Variants in DCDC2 observed in about 807,000 individuals in gnomAD.
DCDC2 encodes the protein doublecortin domain-containing protein 2.
Under a neutral mutation model 50.2 loss-of-function variants are expected in DCDC2, and 40 were observed. The observed-to-expected ratio is 0.80, with a 90% CI of 0.62 to 1.04. The LOEUF (loss-of-function observed/expected upper bound fraction) is 1.04, where lower values mean the gene tolerates loss of function less well. Among genes scored for constraint, DCDC2 ranks in the 50% least tolerant of loss-of-function variants. The probability of loss-of-function intolerance (pLI) is 0.00; values close to 1 mark genes in which losing one functional copy is unlikely to be tolerated. For synonymous variants in DCDC2, 234 were observed against 210.6 expected, an observed-to-expected ratio of 1.11 and a Z score of -0.96; for missense variants, 570 against 581.9, an observed-to-expected ratio of 0.98 and a Z score of 0.21.
intron 7 of DCDC2, among the ~76,000 whole-genome samples, chr6:24,268,196 C>T (rs1185245019): frequency 6.6e-6 from 1 of 152,126 alleles, no homozygotes; most frequent in African/African-American, 2.4e-5. Context: ...ATTAAAAGTA[C>T]ATGAAATTGG....
At chr6:24,298,280 C>A (rs7773060) in intron 4 of DCDC2, among the ~76,000 whole-genome samples, 1 of 152,186 alleles carries the variant, frequency 6.6e-6, no homozygotes, top group African/African-American at 2.4e-5. Flanking sequence ...GCTGTGCAGT[C>A]GGGTTCCTAA....
chr6:24,243,941 G>A (rs1762618592), intron 7 of DCDC2, among the ~76,000 whole-genome samples: 1 of 152,134 alleles, frequency 6.6e-6, no homozygotes, highest in Non-Finnish European at 1.5e-5. Context: ...TCACGATTTT[G>A]GTTAATATTT....
At chr6:24,205,405 G>A (rs1761698457) in intron 7 of DCDC2, 2 of 1,340,396 alleles carry the variant, frequency 1.5e-6, no homozygotes, top group South Asian at 3.2e-5. Context: ...ATTGAGATGA[G>A]AAGAAATTCA....
intron 7 of DCDC2, among the ~76,000 whole-genome samples, chr6:24,245,969 A>G (rs971097150): frequency 6.6e-6 from 1 of 152,168 alleles, no homozygotes; most frequent in African/African-American, 2.4e-5. Flanking sequence ...ATTATTAGTG[A>G]TCTGAGAGGA....
intron 7 of DCDC2, among the ~76,000 whole-genome samples, chr6:24,256,274 A>ATT (rs1554114222): frequency 1.4e-5 from 2 of 143,512 alleles, no homozygotes; most frequent in East Asian, 4.0e-4. Flanking sequence ...GATGCTGGAC[A>ATT]TTTTTTTTTT....
chr6:24,330,756 A>G (rs1759951184), intron 2 of DCDC2, among the ~76,000 whole-genome samples: 1 of 152,216 alleles, frequency 6.6e-6, no homozygotes, highest in African/African-American at 2.4e-5. Flanking sequence ...ACAGGGAATG[A>G]TGTTTGAAAC....
chr6:24,222,488 T>C (rs1016560172), intron 7 of DCDC2, among the ~76,000 whole-genome samples: 1 of 152,228 alleles, frequency 6.6e-6, no homozygotes, highest in Non-Finnish European at 1.5e-5. Flanking sequence ...ATTGCCAAAA[T>C]AACCACAGGT....
chr6:24,215,857 C>T (rs540721822), intron 7 of DCDC2, among the ~76,000 whole-genome samples: 12 of 152,284 alleles, frequency 7.9e-5, no homozygotes, highest in African/African-American at 2.9e-4. Context: ...TAACAGAATG[C>T]AACAAGAGAC....
chr6:24,350,110 G>A (rs1234970636), intron 2 of DCDC2, among the ~76,000 whole-genome samples: 1 of 152,120 alleles, frequency 6.6e-6, no homozygotes, highest in Non-Finnish European at 1.5e-5. Flanking sequence ...TAAAGAGGAA[G>A]AGGAATAGCA....
intron 7 of DCDC2, among the ~76,000 whole-genome samples, chr6:24,261,403 G>A (rs1003125115): frequency 7.9e-5 from 12 of 151,938 alleles, no homozygotes; most frequent in African/African-American, 2.9e-4. Flanking sequence ...TCAAGTTCCT[G>A]AGTTTCTCTG....
At chr6:24,363,932 T>C in the DCDC2 span, among the ~76,000 whole-genome samples, 1 of 152,352 alleles carries the variant, frequency 6.6e-6, no homozygotes, top group Non-Finnish European at 1.5e-5. Context: ...TGAAATCCAA[T>C]ATCATCAACT....
chr6:24,278,983 C>A (rs954979232), intron 6 of DCDC2, among the ~76,000 whole-genome samples: 1 of 152,188 alleles, frequency 6.6e-6, no homozygotes, highest in Non-Finnish European at 1.5e-5. Flanking sequence ...TCCCACAAGG[C>A]AGCCTGGGTG....
intron 6 of DCDC2, among the ~76,000 whole-genome samples, chr6:24,281,064 G>C (rs572701809): frequency 6.6e-6 from 1 of 152,266 alleles, no homozygotes; most frequent in African/African-American, 2.4e-5. Context: ...CCACTCTGGA[G>C]TGCGTGTCTT....
chr6:24,190,833 A>G (rs1386599332), intron 8 of DCDC2, among the ~76,000 whole-genome samples: 1 of 152,248 alleles, frequency 6.6e-6, no homozygotes, highest in African/African-American at 2.4e-5. Context: ...AATGATAAAT[A>G]TACCATTTAC....
intron 7 of DCDC2, among the ~76,000 whole-genome samples, chr6:24,218,197 G>T (rs1318332810): frequency 1.3e-5 from 2 of 152,082 alleles, no homozygotes; most frequent in Admixed American, 6.6e-5. Context: ...AAATCAATGG[G>T]AAAAGAGATC....
chr6:24,300,381 CA>C (rs985106379), intron 4 of DCDC2, among the ~76,000 whole-genome samples: 1 of 151,836 alleles, frequency 6.6e-6, no homozygotes, highest in Non-Finnish European at 1.5e-5. Flanking sequence ...GACCCTGTCT[CA>C]AAAAAATGAA....
intron 7 of DCDC2, among the ~76,000 whole-genome samples, chr6:24,239,859 T>C (rs11967864): frequency 0.035 from 5,263 of 152,240 alleles, 280 homozygotes; most frequent in African/African-American, 0.12. Flanking sequence ...GATCTGGTTT[T>C]TGACACTCTT....
chr6:24,182,757 T>C (rs1306228054), intron 8 of DCDC2, among the ~76,000 whole-genome samples: 1 of 151,940 alleles, frequency 6.6e-6, no homozygotes, highest in East Asian at 1.9e-4. Flanking sequence ...CCTCAAAAAG[T>C]TCAAAATAGA....
At chr6:24,183,310 A>G (rs1218380463) in intron 8 of DCDC2, among the ~76,000 whole-genome samples, 2 of 152,238 alleles carry the variant, frequency 1.3e-5, no homozygotes, top group Non-Finnish European at 2.9e-5. Context: ...CATTATGAGT[A>G]TATTACCACA....
Sources: gnomAD v4.1 joint callset for allele counts (sites outside exome capture counted in the v4.1 genomes callset) on GRCh38, gnomAD v4.1.1 for gene constraint, MANE v1.5 for transcripts, NCBI Gene and HGNC (gene_info 2026-07-23, HGNC 2026-07-21) for gene names.